SEC14L1: variants seen among roughly 807,000 people sequenced by gnomAD.
SEC14L1 encodes the protein SEC14-like protein 1.
Under a neutral mutation model 85.3 loss-of-function variants are expected in SEC14L1, and 48 were observed. The ratio of observed to expected loss-of-function variants is 0.56; its 90% confidence interval spans 0.45 to 0.72. The LOEUF (loss-of-function observed/expected upper bound fraction) is 0.72, where lower values mean the gene tolerates loss of function less well. Ranked by LOEUF, SEC14L1 falls within the 30% of genes least tolerant of loss-of-function variation. The probability of loss-of-function intolerance (pLI) is 0.00; values close to 1 mark genes in which losing one functional copy is unlikely to be tolerated. For missense variants in SEC14L1, 682 were observed against 921.4 expected, an observed-to-expected ratio of 0.74 and a Z score of 3.36; for synonymous variants, 391 against 355.5, an observed-to-expected ratio of 1.10 and a Z score of -1.12.
chr17:77,157,688 C>T (rs998663832), intron 3 of SEC14L1, among the ~76,000 whole-genome samples: 19 of 152,058 alleles, frequency 1.2e-4, no homozygotes, highest in Admixed American at 2.0e-4. Context: ...CCACCATCCC[C>T]GGCTAATTTT....
intron 3 of SEC14L1, among the ~76,000 whole-genome samples, chr17:77,097,542 G>A (rs992589915): frequency 1.0e-4 from 15 of 143,980 alleles, no homozygotes; most frequent in Non-Finnish European, 2.1e-4. Context: ...CCAGCCTGGC[G>A]ACAGAGCAAG....
chr17:77,095,681 G>A (rs535937117), intron 3 of SEC14L1, among the ~76,000 whole-genome samples: 18 of 152,176 alleles, frequency 1.2e-4, no homozygotes, highest in South Asian at 4.2e-4. Flanking sequence ...ACCAGGTGTC[G>A]TGGCAGGCAC....
At chr17:77,186,340 G>A (rs1975265433) in intron 3 of SEC14L1, among the ~76,000 whole-genome samples, 1 of 152,214 alleles carries the variant, frequency 6.6e-6, no homozygotes, top group East Asian at 1.9e-4. Context: ...TCCTGGAAAC[G>A]CTCTCCGCCT....
At chr17:77,163,607 C>T (rs1040857393) in intron 3 of SEC14L1, among the ~76,000 whole-genome samples, 1 of 152,146 alleles carries the variant, frequency 6.6e-6, no homozygotes, top group Non-Finnish European at 1.5e-5. Flanking sequence ...TTTTCTGAGC[C>T]TGTTCACTTG....
chr17:77,113,942 A>C (rs1003838042), intron 3 of SEC14L1, among the ~76,000 whole-genome samples: 2 of 152,126 alleles, frequency 1.3e-5, no homozygotes, highest in Non-Finnish European at 2.9e-5. Context: ...GTTAGTTTCT[A>C]TTATTCCCAC....
intron 2 of SEC14L1, chr17:77,089,357 C>T (rs1419825524): frequency 3.9e-6 from 2 of 517,520 alleles, no homozygotes; most frequent in Non-Finnish European, 7.7e-6. Context: ...GTTGTGGGTG[C>T]AGCATGGTAC....
rs1975500079 is a variant in SEC14L1 at position 77,190,963 on chromosome 17, G to A, written c.213+11G>A. The A allele has an allele frequency of 6.2e-7, 1 of 1,613,476 alleles. No homozygotes were observed. Among genetic ancestry groups the A allele is most frequent in the African/African-American group, 1.3e-5 (1 of 74,924 alleles). ...AGACTGCTGAAGAAGGTAAAGGTCG[G>A]AAAGGACGTCTTGGAGGGAAAGGGC... On this transcript the variant is annotated intron_variant, in intron 4 of 16. Coordinates refer to ENST00000436233, the MANE Select transcript of SEC14L1 (RefSeq NM_001143998.2).
intron 3 of SEC14L1, among the ~76,000 whole-genome samples, chr17:77,098,422 C>G (rs75096900): frequency 0.024 from 3,602 of 152,038 alleles, 162 homozygotes; most frequent in African/African-American, 0.083. Context: ...ATGCCAGAAC[C>G]CAGGAGGCAG....
At chr17:77,156,712 A>G (rs1160939578) in intron 3 of SEC14L1, among the ~76,000 whole-genome samples, 2 of 151,904 alleles carry the variant, frequency 1.3e-5, no homozygotes, top group African/African-American at 4.8e-5. Context: ...CATAATGAAA[A>G]TTTTGACAAA....
intron 14 of SEC14L1, chr17:77,209,750 A>G (rs1269089890): frequency 9.3e-6 from 3 of 322,266 alleles, no homozygotes; most frequent in Non-Finnish European, 5.7e-6. Flanking sequence ...CACCAAACAC[A>G]GAGATAGGAA....
At chr17:77,173,550 G>A (rs894993228) in intron 3 of SEC14L1, among the ~76,000 whole-genome samples, 1 of 152,130 alleles carries the variant, frequency 6.6e-6, no homozygotes, top group Admixed American at 6.5e-5. Context: ...GGCCCCTGCC[G>A]TCAGCACAGG....
intron 3 of SEC14L1, among the ~76,000 whole-genome samples, chr17:77,102,064 A>C (rs1971790862): frequency 6.6e-6 from 1 of 152,210 alleles, no homozygotes; most frequent in Non-Finnish European, 1.5e-5. Context: ...TAATTTAAAA[A>C]CAAAATCCCC....
At chr17:77,183,480 T>C (rs575997507) in intron 3 of SEC14L1, among the ~76,000 whole-genome samples, 4 of 152,302 alleles carry the variant, frequency 2.6e-5, no homozygotes, top group Non-Finnish European at 5.9e-5. Flanking sequence ...CTGTGATTAT[T>C]ATCACAGGCA....
intron 3 of SEC14L1, among the ~76,000 whole-genome samples, chr17:77,109,471 T>C (rs1012089937): frequency 6.6e-6 from 1 of 152,210 alleles, no homozygotes; most frequent in African/African-American, 2.4e-5. Context: ...AGACTGAAAC[T>C]GGCCTCCTTG....
At chr17:77,092,099 A>G (rs1357645199) in intron 2 of SEC14L1, among the ~76,000 whole-genome samples, 1 of 152,124 alleles carries the variant, frequency 6.6e-6, no homozygotes, top group Non-Finnish European at 1.5e-5. Flanking sequence ...CTGAGCCACT[A>G]CACCTGGCCT....
At chr17:77,210,888 A>G (rs1976717442) in intron 14 of SEC14L1, 1 of 152,214 alleles carries the variant, frequency 6.6e-6, no homozygotes, top group South Asian at 2.1e-4. Flanking sequence ...TATTAAATAA[A>G]GCACAGATCC....
At chr17:77,175,110 C>T (rs1567910050) in intron 3 of SEC14L1, among the ~76,000 whole-genome samples, 1 of 152,178 alleles carries the variant, frequency 6.6e-6, no homozygotes, top group Non-Finnish European at 1.5e-5. Flanking sequence ...GGGTTGTTTG[C>T]AGGCCAGAAA....
In SEC14L1 at chr17:77,213,914, A is replaced by G; in HGVS notation, c.2043-4A>G. ...ACGCCTCGCCCCTCCCTGTGCCATT[A>G]CAGAGGTTCCATGACGAGCCTGGAG... On this transcript the variant is annotated splice_polypyrimidine_tract_variant and splice_region_variant and intron_variant, in intron 16 of 16. Coordinates refer to ENST00000436233, the MANE Select transcript of SEC14L1 (RefSeq NM_001143998.2). The surrounding 1 kb of genome is among the most constrained non-coding windows in gnomAD (Gnocchi z 7.1). 6.2e-7 allele frequency: 1 copy of G among 1,612,796 alleles called. No individual in the cohort carries two copies. The highest frequency in any genetic ancestry group is 8.5e-7 in the Non-Finnish European group (1 of 1,179,518).
chr17:77,119,697 C>G (rs937222284), intron 3 of SEC14L1, among the ~76,000 whole-genome samples: 1 of 152,124 alleles, frequency 6.6e-6, no homozygotes, highest in African/African-American at 2.4e-5. Context: ...GGAGAGGGCC[C>G]CAGGCTGGCT....
Sources: allele counts gnomAD v4.1 joint callset (sites outside exome capture counted in the v4.1 genomes callset), GRCh38; gene constraint gnomAD v4.1.1; non-coding constraint Gnocchi (gnomAD v3.1); transcripts MANE v1.5; gene names NCBI Gene and HGNC (gene_info 2026-07-23, HGNC 2026-07-21).